PTPRG: variants seen among roughly 807,000 people sequenced by gnomAD.
PTPRG encodes protein tyrosine phosphatase receptor type G.
In PTPRG, 102 loss-of-function variants were observed where a neutral mutation model predicts 165.3. The ratio of observed to expected loss-of-function variants is 0.62; its 90% CI spans 0.53 to 0.73. PTPRG has a LOEUF of 0.73. Among genes scored for constraint, PTPRG ranks in the 30% least tolerant of loss-of-function variants. The pLI is 0.00. For missense variants in PTPRG, 1,866 were observed against 1,861.4 expected, an observed-to-expected ratio of 1.00 and a Z score of -0.05; for synonymous variants, 675 against 669.5, an observed-to-expected ratio of 1.01 and a Z score of -0.13.
chr3:61,629,131 A>G (rs1701695818), intron 1 of PTPRG, among the ~76,000 whole-genome samples: 1 of 152,164 alleles, frequency 6.6e-6, no homozygotes, highest in African/African-American at 2.4e-5. Context: ...GGGCACCTGC[A>G]TGAACTTCCA....
chr3:61,752,905 C>G (rs898684072), intron 2 of PTPRG, among the ~76,000 whole-genome samples: 1 of 151,610 alleles, frequency 6.6e-6, no homozygotes, highest in African/African-American at 2.4e-5. Context: ...CATTTTAAGA[C>G]TAGCCTACTT....
intron 24 of PTPRG, 162 bp from the exon 25 acceptor site, chr3:62,276,810 C>T: frequency 3.4e-6 from 2 of 589,916 alleles, no homozygotes; most frequent in Non-Finnish European, 6.0e-6. Context: ...ATTTTACATT[C>T]TGCCTCAGCT....
chr3:62,212,022 G>A (rs564155836), intron 12 of PTPRG, among the ~76,000 whole-genome samples: 2 of 151,648 alleles, frequency 1.3e-5, no homozygotes, highest in East Asian at 3.9e-4. Flanking sequence ...TCTGCTGGGT[G>A]CTGAAATAAA....
chr3:61,971,166 C>T (rs574578236), intron 2 of PTPRG, among the ~76,000 whole-genome samples: 38 of 152,272 alleles, frequency 2.5e-4, no homozygotes, highest in Non-Finnish European at 4.3e-4. Context: ...GATTCTCCTA[C>T]CTCAGCCTCC....
chr3:61,693,953 A>G (rs1272330166), intron 1 of PTPRG, among the ~76,000 whole-genome samples: 2 of 149,646 alleles, frequency 1.3e-5, no homozygotes, highest in East Asian at 4.0e-4. Flanking sequence ...GGTTACAGTG[A>G]GCCGAGATCA....
chr3:62,243,637 C>T, intron 14 of PTPRG, 170 bp from the exon 15 acceptor site: 1 of 470,364 alleles, frequency 2.1e-6, no homozygotes. Context: ...AATTTTGGGC[C>T]CCTCCAACAG....
intron 2 of PTPRG, among the ~76,000 whole-genome samples, chr3:61,911,818 C>G (rs1405439521): frequency 6.6e-6 from 1 of 152,144 alleles, no homozygotes; most frequent in African/African-American, 2.4e-5. Flanking sequence ...AAGTTGGTTT[C>G]ATTGCCAGCA....
chr3:61,835,927 C>T (rs2036444113), intron 2 of PTPRG, among the ~76,000 whole-genome samples: 1 of 151,686 alleles, frequency 6.6e-6, no homozygotes, highest in Non-Finnish European at 1.5e-5. Context: ...GTAATTCCAG[C>T]TACTTGGGAG....
At chr3:62,145,634 G>A (rs1351099358) in intron 6 of PTPRG, among the ~76,000 whole-genome samples, 1 of 152,208 alleles carries the variant, frequency 6.6e-6, no homozygotes, top group East Asian at 1.9e-4. Context: ...GAACCAGGAA[G>A]TGGGTGAAAG....
chr3:61,891,469 G>A (rs2038212304), intron 2 of PTPRG, among the ~76,000 whole-genome samples: 1 of 152,108 alleles, frequency 6.6e-6, no homozygotes, highest in African/African-American at 2.4e-5. Context: ...TTTAATTTTA[G>A]TCTGTTCATG....
chr3:62,029,114 TGA>T (rs2107777889), intron 4 of PTPRG, among the ~76,000 whole-genome samples: 1 of 152,272 alleles, frequency 6.6e-6, no homozygotes, highest in East Asian at 1.9e-4. Flanking sequence ...CTAGCGTGTG[TGA>T]GTGTCTTCTC....
At chr3:62,158,015 C>G (rs2106701169) in intron 7 of PTPRG, among the ~76,000 whole-genome samples, 1 of 152,230 alleles carries the variant, frequency 6.6e-6, no homozygotes, top group East Asian at 1.9e-4. Flanking sequence ...CCTGGGTTTG[C>G]CTGATTCCAA....
At position 61,874,275 on chromosome 3, in the gene PTPRG, C is replaced by T. The variant is rs1192664290; in HGVS notation, c.191-115350C>T. On this transcript the variant is annotated intron_variant, in intron 2 of 29. Coordinates refer to ENST00000474889, the MANE Select transcript of PTPRG (RefSeq NM_002841.4). ...GGCCTAAAAGCATTTGCTGGATCCC[C>T]TCAACCTCCTTTGGGAGGCTCATGC... Among the ~76,000 whole-genome samples, 7 of 152,302 alleles carry T rather than the reference C, an allele frequency of 4.6e-5. No homozygotes were observed. The South Asian group carries it at 1.0e-3, about 23-fold the overall frequency.
intron 1 of PTPRG, among the ~76,000 whole-genome samples, chr3:61,680,601 CA>C (rs36102855): frequency 0.91 from 128,219 of 140,454 alleles, 59,024 homozygotes; most frequent in Non-Finnish European, 0.98. Flanking sequence ...TTCTGTCCTT[CA>C]AAAAAAAAAA....
chr3:61,562,239 C>T lies in PTPRG; in HGVS notation c.-49C>T, dbSNP rs1385108685. The T allele has an allele frequency of 1.9e-6, 3 of 1,547,424 alleles. No individual in the cohort carries two copies. The highest frequency in any genetic ancestry group is 1.1e-5 in the South Asian group (1 of 89,728). ...GCTCGCACGGAGGCAAGAACTTATT[C>T]AACAAGTTTACCTCCCTGCTTTCCT... On this transcript the variant is annotated 5_prime_UTR_variant, in exon 1 of 30. Transcript: ENST00000474889.
chr3:62,270,059 T>G (rs1212633885), intron 20 of PTPRG, among the ~76,000 whole-genome samples: 1 of 152,178 alleles, frequency 6.6e-6, no homozygotes, highest in East Asian at 1.9e-4. Context: ...TGGACTGTGG[T>G]TGACCTCGGG....
intron 1 of PTPRG, among the ~76,000 whole-genome samples, chr3:61,584,904 G>C (rs980184405): frequency 2.0e-5 from 3 of 152,192 alleles, no homozygotes; most frequent in African/African-American, 7.2e-5. Context: ...CTCTGTGTTT[G>C]AATGGGATGT....
chr3:61,606,534 C>T (rs1301168548), intron 1 of PTPRG, among the ~76,000 whole-genome samples: 3 of 152,256 alleles, frequency 2.0e-5, no homozygotes, highest in Non-Finnish European at 4.4e-5. Flanking sequence ...GAGAGAAGTT[C>T]TTCTGGTGTC....
chr3:62,190,023 G>C lies in PTPRG; in HGVS notation c.1034-1446G>C, dbSNP rs764778678. On this transcript the variant is annotated intron_variant, in intron 8 of 29. Transcript: ENST00000474889. The surrounding 1 kb of genome is among the most constrained non-coding windows in gnomAD (Gnocchi z 5.2). ...TTCCTCAAGGGCATCTTCCCTGGGT[G>C]CCAAAGCCCGAGCCACCTCTTCCTC... Among the ~76,000 whole-genome samples, 91 of 152,060 alleles carry C rather than the reference G, an allele frequency of 6.0e-4. No individual in the cohort carries two copies. Among genetic ancestry groups the C allele is most frequent in the Non-Finnish European group, 1.2e-3 (82 of 68,028 alleles).
Sources: gnomAD v4.1 joint callset for allele counts (sites outside exome capture counted in the v4.1 genomes callset) on GRCh38, gnomAD v4.1.1 for gene constraint, Gnocchi (gnomAD v3.1) non-coding constraint, MANE v1.5 for transcripts, NCBI Gene and HGNC (gene_info 2026-07-23, HGNC 2026-07-21) for gene names.